CSMD1: variants seen among roughly 807,000 people sequenced by gnomAD.
CSMD1 encodes the protein CUB and Sushi multiple domains 1.
Under a neutral mutation model 417.5 loss-of-function variants are expected in CSMD1, and 213 were observed. The ratio of observed to expected loss-of-function variants is 0.51; its 90% CI spans 0.46 to 0.57. The LOEUF (loss-of-function observed/expected upper bound fraction) is 0.57. CSMD1 is among the 20% of genes least tolerant of loss of function. The pLI, the probability that CSMD1 is intolerant of heterozygous loss-of-function variation, is 0.00. For missense variants in CSMD1, 6,923 were observed against 4,529.7 expected (o/e 1.53, Z -15.17); for synonymous variants, 2,862 against 1,736.8 (o/e 1.65, Z -16.11).
intron 41 of CSMD1, among the ~76,000 whole-genome samples, chr8:3,132,841 C>T (rs926069180): frequency 2.0e-5 from 3 of 152,184 alleles, no homozygotes; most frequent in Admixed American, 6.5e-5. Context: ...CAAGCTCCAA[C>T]TTCTTGCCCT....
At chr8:4,383,439 A>G (rs1474876486) in intron 3 of CSMD1, among the ~76,000 whole-genome samples, 2 of 152,210 alleles carry the variant, frequency 1.3e-5, no homozygotes, top group Non-Finnish European at 2.9e-5. Flanking sequence ...GCCAGATACC[A>G]TGAATTTCAC....
At chr8:4,402,572 G>A (rs533370796) in intron 3 of CSMD1, among the ~76,000 whole-genome samples, 3 of 152,102 alleles carry the variant, frequency 2.0e-5, no homozygotes, top group Admixed American at 2.0e-4. Context: ...CTTGAAGGGA[G>A]ACTTTTATAG....
At chr8:3,397,731 G>A in intron 16 of CSMD1, among the ~76,000 whole-genome samples, 1 of 152,320 alleles carries the variant, frequency 6.6e-6, no homozygotes, top group Middle Eastern at 3.4e-3. Flanking sequence ...TTTAGTAACA[G>A]TGAGGACTGA....
chr8:4,421,494 C>T (rs1052009710), intron 2 of CSMD1, among the ~76,000 whole-genome samples: 2 of 151,968 alleles, frequency 1.3e-5, no homozygotes, highest in South Asian at 2.1e-4. Context: ...GTTCTCTGAC[C>T]ACACAGTGGA....
intron 3 of CSMD1, among the ~76,000 whole-genome samples, chr8:4,258,867 C>A (rs187603300): frequency 6.6e-6 from 1 of 152,152 alleles, no homozygotes; most frequent in Non-Finnish European, 1.5e-5. Context: ...GCAAAAGTCT[C>A]ATCTCTACCT....
At chr8:4,243,618 C>A (rs995717858) in intron 3 of CSMD1, among the ~76,000 whole-genome samples, 1 of 152,004 alleles carries the variant, frequency 6.6e-6, no homozygotes, top group African/African-American at 2.4e-5. Context: ...CCTTAACCAC[C>A]GAAAACACAG....
chr8:4,267,635 A>C (rs1047639038), intron 3 of CSMD1, among the ~76,000 whole-genome samples: 2 of 152,028 alleles, frequency 1.3e-5, no homozygotes, highest in East Asian at 3.8e-4. Flanking sequence ...ATTAATAATT[A>C]AATACATATC....
At chr8:3,529,081 C>G (rs1797872199) in intron 10 of CSMD1, among the ~76,000 whole-genome samples, 1 of 152,144 alleles carries the variant, frequency 6.6e-6, no homozygotes, top group East Asian at 1.9e-4. Context: ...ACACTTTCAA[C>G]AGAATATACC....
At chr8:3,200,297 G>A (rs1196764683) in intron 32 of CSMD1, among the ~76,000 whole-genome samples, 2 of 152,014 alleles carry the variant, frequency 1.3e-5, no homozygotes, top group Non-Finnish European at 2.9e-5. Flanking sequence ...GCTCACACCT[G>A]TAATCCCAGC....
At chr8:3,732,034 T>C (rs1283190853) in intron 6 of CSMD1, among the ~76,000 whole-genome samples, 1 of 125,786 alleles carries the variant, frequency 8.0e-6, no homozygotes, top group Non-Finnish European at 1.9e-5. Flanking sequence ...GCTCTCCACA[T>C]TTTTTAGACA....
chr8:3,312,962 A>T (rs57411118), intron 23 of CSMD1, among the ~76,000 whole-genome samples: 2,860 of 152,316 alleles, frequency 0.019, 85 homozygotes, highest in African/African-American at 0.064. Flanking sequence ...TAAAGACTAG[A>T]ATATAATCAT....
chr8:3,174,472 G>A (rs1190182231), intron 37 of CSMD1, among the ~76,000 whole-genome samples: 1 of 152,136 alleles, frequency 6.6e-6, no homozygotes, highest in Non-Finnish European at 1.5e-5. Flanking sequence ...TCCAGCCTGG[G>A]CCAGAGTGAG....
intron 3 of CSMD1, among the ~76,000 whole-genome samples, chr8:4,094,843 G>C (rs1413816967): frequency 6.6e-6 from 1 of 152,206 alleles, no homozygotes; most frequent in Non-Finnish European, 1.5e-5. Context: ...TAAAGGTGAA[G>C]CATAGTTGGT....
intron 49 of CSMD1, among the ~76,000 whole-genome samples, chr8:3,052,858 T>G (rs1358389452): frequency 6.6e-6 from 1 of 151,194 alleles, no homozygotes; most frequent in Non-Finnish European, 1.5e-5. Context: ...CTCAGCTCAC[T>G]GCAGCCTCCA....
chr8:4,191,079 A>ATTTAT (rs1798998029), intron 3 of CSMD1, among the ~76,000 whole-genome samples: 1 of 152,144 alleles, frequency 6.6e-6, no homozygotes, highest in Non-Finnish European at 1.5e-5. Flanking sequence ...ATACACATGG[A>ATTTAT]TTAAAATAAA....
intron 12 of CSMD1, among the ~76,000 whole-genome samples, chr8:3,434,262 C>G (rs539857638): frequency 6.6e-6 from 1 of 152,130 alleles, no homozygotes; most frequent in Non-Finnish European, 1.5e-5. Flanking sequence ...TTTTTTAAAA[C>G]TGTGTTTCAT....
At chr8:3,701,947 C>T (rs1339135089) in intron 7 of CSMD1, among the ~76,000 whole-genome samples, 3 of 151,952 alleles carry the variant, frequency 2.0e-5, no homozygotes, top group South Asian at 2.1e-4. Flanking sequence ...AAACTAGGGG[C>T]GAATATCATT....
At chr8:4,435,711 G>A (rs751221455) in intron 2 of CSMD1, among the ~76,000 whole-genome samples, 2 of 152,090 alleles carry the variant, frequency 1.3e-5, no homozygotes, top group African/African-American at 2.4e-5. Context: ...CTCTGTGTGG[G>A]GCTGTGGCTG....
intron 41 of CSMD1, among the ~76,000 whole-genome samples, chr8:3,138,744 G>A (rs563046867): frequency 1.3e-5 from 2 of 152,292 alleles, no homozygotes; most frequent in East Asian, 3.9e-4. Context: ...TTTCAGAGGG[G>A]CAAGTGAGAA....
Sources: allele counts gnomAD v4.1 joint callset (sites outside exome capture counted in the v4.1 genomes callset), GRCh38; gene constraint gnomAD v4.1.1; transcripts MANE v1.5; gene names NCBI Gene and HGNC (gene_info 2026-07-23, HGNC 2026-07-21).